The following SOX6 variants were observed in gnomAD, a reference collection of about 807,000 sequenced individuals.
SOX6 encodes SRY-box transcription factor 6.
In SOX6, 11 loss-of-function variants were observed where a neutral mutation model predicts 97.8. The ratio of observed to expected loss-of-function variants is 0.11; its 90% CI spans 0.07 to 0.19. SOX6 has a LOEUF of 0.19. Among genes scored for constraint, SOX6 ranks in the 10% least tolerant of loss-of-function variants. The pLI, the probability that SOX6 is intolerant of heterozygous loss-of-function variation, is 1.00. For missense variants in SOX6, 810 were observed against 1,039.5 expected (o/e 0.78, Z 3.04); for synonymous variants, 360 against 371.4 (o/e 0.97, Z 0.35).
intron 1 of SOX6, among the ~76,000 whole-genome samples, chr11:16,450,418 A>G (rs1859695543): frequency 6.6e-6 from 1 of 152,230 alleles, no homozygotes; most frequent in African/African-American, 2.4e-5. Flanking sequence ...AATAATATGT[A>G]TTATGGATAA....
chr11:16,632,481 C>A (rs1848722879), intron 3 of SOX6, among the ~76,000 whole-genome samples: 3 of 152,140 alleles, frequency 2.0e-5, no homozygotes, highest in Admixed American at 2.0e-4. Flanking sequence ...TGTTTACTGG[C>A]CGAAGCTCTC....
intron 2 of SOX6, among the ~76,000 whole-genome samples, chr11:16,727,796 A>C (rs1249159853): frequency 6.6e-6 from 1 of 152,026 alleles, no homozygotes; most frequent in Non-Finnish European, 1.5e-5. Context: ...AATTTTATTC[A>C]AATTCTCTTT....
At chr11:16,188,269 T>C (rs1022030047) in intron 4 of SOX6, among the ~76,000 whole-genome samples, 4 of 150,760 alleles carry the variant, frequency 2.7e-5, no homozygotes, top group African/African-American at 9.7e-5. Context: ...GTATCTCTTA[T>C]ATCCTCAGAT....
At chr11:16,164,989 T>A (rs1232747317) in intron 6 of SOX6, among the ~76,000 whole-genome samples, 2 of 152,162 alleles carry the variant, frequency 1.3e-5, no homozygotes, top group African/African-American at 4.8e-5. Flanking sequence ...TTATCTATAT[T>A]GCTAACTGCA....
intron 1 of SOX6, among the ~76,000 whole-genome samples, chr11:16,466,985 G>C (rs1860051266): frequency 7.0e-6 from 1 of 142,454 alleles, no homozygotes; most frequent in South Asian, 2.3e-4. Context: ...CAAAGGACAT[G>C]AACAGACACA....
chr11:16,514,294 G>A (rs1055409357), intron 4 of SOX6, among the ~76,000 whole-genome samples: 1 of 151,108 alleles, frequency 6.6e-6, no homozygotes, highest in African/African-American at 2.4e-5. Context: ...ATGAATTAGA[G>A]ACAACGGAGG....
chr11:16,322,245 T>A (rs988064452), intron 2 of SOX6, among the ~76,000 whole-genome samples: 6 of 152,076 alleles, frequency 3.9e-5, no homozygotes, highest in African/African-American at 1.4e-4. Flanking sequence ...TGGTGGGTGG[T>A]GATTAAATCA....
At chr11:16,204,500 A>G (rs1228373565) in intron 4 of SOX6, among the ~76,000 whole-genome samples, 3 of 151,918 alleles carry the variant, frequency 2.0e-5, no homozygotes, top group Non-Finnish European at 4.4e-5. Flanking sequence ...AACTTCAACA[A>G]TTGTTACAAA....
At chr11:16,142,531 G>T (rs539935714) in intron 6 of SOX6, among the ~76,000 whole-genome samples, 1 of 152,154 alleles carries the variant, frequency 6.6e-6, no homozygotes, top group Non-Finnish European at 1.5e-5. Context: ...AGAGAAAAAG[G>T]CTTCAGATGA....
intron 6 of SOX6, among the ~76,000 whole-genome samples, chr11:16,149,143 T>C (rs75529652): frequency 0.012 from 1,875 of 152,250 alleles, 37 homozygotes; most frequent in African/African-American, 0.042. Flanking sequence ...CAAATGAAAC[T>C]CCAAATCATT....
At chr11:16,591,858 CT>C (rs1166311255) in intron 4 of SOX6, among the ~76,000 whole-genome samples, 2 of 152,008 alleles carry the variant, frequency 1.3e-5, no homozygotes, top group East Asian at 3.9e-4. Flanking sequence ...ATCTATTTTT[CT>C]TTCTGAGATA....
chr11:16,728,319 C>T (rs1160859239), intron 2 of SOX6, among the ~76,000 whole-genome samples: 1 of 152,322 alleles, frequency 6.6e-6, no homozygotes, highest in Admixed American at 6.5e-5. Flanking sequence ...AGACACCCCA[C>T]ACAGGAGAGC....
chr11:16,117,840 A>G (rs1373756041), intron 6 of SOX6, among the ~76,000 whole-genome samples: 1 of 152,272 alleles, frequency 6.6e-6, no homozygotes, highest in African/African-American at 2.4e-5. Context: ...AGGCAGTCAC[A>G]TTGGAAACAG....
intron 1 of SOX6, among the ~76,000 whole-genome samples, chr11:16,390,517 C>T (rs1858141385): frequency 6.6e-6 from 1 of 152,118 alleles, no homozygotes; most frequent in Non-Finnish European, 1.5e-5. Context: ...TCTTGTATTG[C>T]CTTAAAGACA....
chr11:16,248,759 C>T (rs569444811), intron 3 of SOX6, among the ~76,000 whole-genome samples: 1 of 152,340 alleles, frequency 6.6e-6, no homozygotes, highest in African/African-American at 2.4e-5. Flanking sequence ...CTGTGAAGGT[C>T]TCTGACATGC....
At chr11:16,665,605 G>C (rs1024946505) in intron 3 of SOX6, among the ~76,000 whole-genome samples, 1 of 152,154 alleles carries the variant, frequency 6.6e-6, no homozygotes. Context: ...GCCCAGGACT[G>C]GGGGGATCTT....
intron 1 of SOX6, among the ~76,000 whole-genome samples, chr11:16,400,664 AT>A (rs1371211072): frequency 6.6e-6 from 1 of 151,296 alleles, no homozygotes; most frequent in African/African-American, 2.4e-5. Flanking sequence ...CTTGCAGAAA[AT>A]TTTTTTCATT....
intron 3 of SOX6, among the ~76,000 whole-genome samples, chr11:16,263,327 A>G (rs1853960431): frequency 6.6e-6 from 1 of 151,822 alleles, no homozygotes; most frequent in Admixed American, 6.6e-5. Flanking sequence ...AGTCCTAATC[A>G]CTCCCATTGC....
At position 16,610,393 on chromosome 11, in the gene SOX6, G is replaced by T. The variant is rs986439734; in HGVS notation, n.609+1688C>A. 9.8e-5 allele frequency among the ~76,000 whole-genome samples: 15 copies of T among 152,300 alleles called. No homozygotes were observed. The highest frequency in any genetic ancestry group is 1.6e-4 in the Non-Finnish European group (11 of 68,030). On this transcript the variant is annotated intron_variant and non_coding_transcript_variant, in intron 4 of 5. Transcript: ENST00000524520. This position sits in a 1 kb window ranked among gnomAD's most constrained non-coding sequence, Gnocchi z 4.4. ...TGGCTTTCCAAATACTAGCGCGTCC[G>T]TCTCTTTAAATCACAGAGCAATCGG...
Sources: allele counts gnomAD v4.1 joint callset (sites outside exome capture counted in the v4.1 genomes callset), GRCh38; gene constraint gnomAD v4.1.1; non-coding constraint Gnocchi (gnomAD v3.1); transcripts MANE v1.5; gene names NCBI Gene and HGNC (gene_info 2026-07-23, HGNC 2026-07-21).